The following VPS13B variants were observed in gnomAD, a reference collection of about 807,000 sequenced individuals.
VPS13B encodes vacuolar protein sorting 13 homolog B, also known as intermembrane lipid transfer protein VPS13B.
Under a neutral mutation model 426.4 loss-of-function variants are expected in VPS13B, and 285 were observed. That is an observed-to-expected ratio of 0.67 (90% CI 0.61 to 0.74). The LOEUF is 0.74. VPS13B is among the 30% of genes least tolerant of loss of function. VPS13B has a pLI of 0.00. For synonymous variants in VPS13B, 1,676 were observed against 1,676.4 expected (o/e 1.00, Z 0.01); for missense variants, 4,537 against 4,782.6 (o/e 0.95, Z 1.51).
chr8:99,498,130 CAGAT>C (rs1253406432), intron 25 of VPS13B, among the ~76,000 whole-genome samples: 1 of 152,022 alleles, frequency 6.6e-6, no homozygotes, highest in Non-Finnish European at 1.5e-5. Context: ...TTTAAAAGCT[CAGAT>C]AGTTTTATCA....
chr8:99,336,632 C>G (rs1270133792), intron 19 of VPS13B, among the ~76,000 whole-genome samples: 1 of 152,206 alleles, frequency 6.6e-6, no homozygotes, highest in East Asian at 1.9e-4. Flanking sequence ...GGGCTGATAT[C>G]CAGAATCTAC....
At chr8:99,233,338 G>T in intron 17 of VPS13B, 1 of 1,062,880 alleles carries the variant, frequency 9.4e-7, no homozygotes, top group South Asian at 1.3e-5. Flanking sequence ...TTCTTCTTTG[G>T]GGTTAAAGAA....
chr8:99,679,017 A>C (rs936864277), intron 35 of VPS13B, among the ~76,000 whole-genome samples: 3 of 152,124 alleles, frequency 2.0e-5, no homozygotes, highest in Non-Finnish European at 2.9e-5. Context: ...CTATGTTTTA[A>C]ACCTTGCTGT....
Position 99,642,246 on chromosome 8 carries a change from A to G in VPS13B, c.5656A>G (p.Lys1886Glu), listed in dbSNP as rs1450395032. The G allele has an allele frequency of 1.9e-6, 3 of 1,614,116 alleles. No homozygotes were observed. Among genetic ancestry groups the G allele is most frequent in the Middle Eastern group, 3.3e-4 (2 of 6,062 alleles). The change falls in exon 34 of 62, where the codon AAA (lysine) becomes GAA (glutamate). Residue 1886 changes from lysine to glutamate, a missense_variant. Lys to Glu is a moderately conservative substitution (Grantham distance 56). Transcript: ENST00000357162. ...LRSSISFPSG[K>E]KIGVLSLESL... is the part of the protein sequence containing the mutation. ...GAGCAGCATTTCTTTTCCTTCAGGG[A>G]AAAAAATAGGGGTCCTCTCTCTTGA...
chr8:99,450,514 A>T (rs994376137), intron 23 of VPS13B, among the ~76,000 whole-genome samples: 17 of 152,250 alleles, frequency 1.1e-4, no homozygotes, highest in African/African-American at 4.1e-4. Context: ...GGAGATCAAG[A>T]CCATCCTAGC....
chr8:99,247,890 A>G (rs191689985), intron 17 of VPS13B, among the ~76,000 whole-genome samples: 29 of 152,306 alleles, frequency 1.9e-4, no homozygotes, highest in Non-Finnish European at 1.5e-4. Flanking sequence ...CTGATCAGAG[A>G]GTCTTTATAT....
chr8:99,435,217 G>C (rs915910966), intron 22 of VPS13B, among the ~76,000 whole-genome samples: 3 of 152,126 alleles, frequency 2.0e-5, no homozygotes, highest in Non-Finnish European at 4.4e-5. Context: ...GTGTGGTTTA[G>C]AATATGATAG....
chr8:99,607,658 TA>T (rs1219681390), intron 33 of VPS13B, among the ~76,000 whole-genome samples: 4 of 152,218 alleles, frequency 2.6e-5, no homozygotes, highest in African/African-American at 9.6e-5. Context: ...TCAAATTGTT[TA>T]GTTTCAGAAT....
intron 14 of VPS13B, among the ~76,000 whole-genome samples, chr8:99,155,540 AT>A (rs887053842): frequency 1.2e-4 from 18 of 152,226 alleles, no homozygotes; most frequent in African/African-American, 3.9e-4. Context: ...ATTCTGTGTT[AT>A]TTTTTAGTAA....
chr8:99,185,116 G>T (rs970057762), intron 16 of VPS13B, among the ~76,000 whole-genome samples: 3 of 152,200 alleles, frequency 2.0e-5, no homozygotes, highest in African/African-American at 4.8e-5. Flanking sequence ...AGAAGGATTT[G>T]TATTCATGTA....
At chr8:99,269,214 C>T (rs1163834866) in intron 17 of VPS13B, among the ~76,000 whole-genome samples, 1 of 151,992 alleles carries the variant, frequency 6.6e-6, no homozygotes, top group Non-Finnish European at 1.5e-5. Context: ...GTGCATTATT[C>T]TATATTTAAT....
intron 22 of VPS13B, among the ~76,000 whole-genome samples, chr8:99,435,836 T>C (rs1336303501): frequency 2.6e-5 from 4 of 152,148 alleles, no homozygotes; most frequent in Non-Finnish European, 5.9e-5. Flanking sequence ...CAAATAGGGA[T>C]TTTGAATTTA....
intron 3 of VPS13B, among the ~76,000 whole-genome samples, chr8:99,075,219 A>G (rs1016155468): frequency 1.1e-4 from 16 of 152,314 alleles, no homozygotes; most frequent in Admixed American, 2.0e-4. Context: ...TAGGTAATTT[A>G]TAATGAAAAG....
intron 21 of VPS13B, among the ~76,000 whole-genome samples, chr8:99,404,222 G>A (rs1030042124): frequency 2.0e-5 from 3 of 152,158 alleles, no homozygotes; most frequent in East Asian, 1.9e-4. Flanking sequence ...ATATGTGAAC[G>A]TTTTTCAAAT....
At chr8:99,313,285 G>A (rs968526148) in intron 19 of VPS13B, among the ~76,000 whole-genome samples, 1 of 152,106 alleles carries the variant, frequency 6.6e-6, no homozygotes, top group African/African-American at 2.4e-5. Context: ...TGTTTTTTCT[G>A]CATCTTTGTG....
intron 36 of VPS13B, among the ~76,000 whole-genome samples, chr8:99,715,442 ATGGAAT>A (rs1832874073): frequency 6.6e-6 from 1 of 152,212 alleles, no homozygotes. Context: ...TTTTAAAATA[ATGGAAT>A]TGGAGAGAAT....
At chr8:99,442,238 A>G (rs1187945941) in intron 22 of VPS13B, among the ~76,000 whole-genome samples, 163 bp from the exon 23 acceptor site, 1 of 152,224 alleles carries the variant, frequency 6.6e-6, no homozygotes, top group Non-Finnish European at 1.5e-5. Context: ...AGAGTAAACA[A>G]TACCTTTTCA....
Position 99,419,531 on chromosome 8 carries a change from G to C in VPS13B, c.3083-12006G>C, listed in dbSNP as rs374569583. Among the ~76,000 whole-genome samples the C allele has an allele frequency of 5.3e-5, 8 of 152,170 alleles. No individual in the cohort carries two copies. In the East Asian group the frequency reaches 1.4e-3, roughly 26 times the overall value. On this transcript the variant is annotated intron_variant, in intron 21 of 61. Coordinates refer to ENST00000357162, the MANE Select transcript of VPS13B (RefSeq NM_152564.5). ...AGTTTGCAAGGCTTATTTTCTAGAG[G>C]TTTTTAATTTTTATATTTTTATCTT...
intron 19 of VPS13B, among the ~76,000 whole-genome samples, chr8:99,370,557 C>G (rs1813118682): frequency 1.3e-5 from 2 of 150,516 alleles, no homozygotes; most frequent in East Asian, 3.9e-4. Flanking sequence ...CTGATTTATC[C>G]TCTAAATGCA....
Sources: gnomAD v4.1 joint callset for allele counts (sites outside exome capture counted in the v4.1 genomes callset) on GRCh38, gnomAD v4.1.1 for gene constraint, MANE v1.5 for transcripts, NCBI Gene and HGNC (gene_info 2026-07-23, HGNC 2026-07-21) for gene names.